MAPRE2: variants seen among roughly 807,000 people sequenced by gnomAD.
The protein encoded by MAPRE2 is microtubule-associated protein RP/EB family member 2.
A neutral mutation model predicts 43.2 loss-of-function variants in MAPRE2; 13 were observed. The observed-to-expected ratio is 0.30, with a 90% CI of 0.20 to 0.48. MAPRE2 has a LOEUF of 0.48. MAPRE2 is among the 20% of genes least tolerant of loss of function. The probability of loss-of-function intolerance (pLI) is 0.99; values close to 1 mark genes in which losing one functional copy is unlikely to be tolerated. For synonymous variants in MAPRE2, 135 were observed against 148.8 expected, an observed-to-expected ratio of 0.91 and a Z score of 0.68; for missense variants, 161 against 400.2, an observed-to-expected ratio of 0.40 and a Z score of 5.10.
At chr18:35,036,103 T>C (rs929115135) in intron 2 of MAPRE2, among the ~76,000 whole-genome samples, 1 of 151,666 alleles carries the variant, frequency 6.6e-6, no homozygotes, top group African/African-American at 2.4e-5. Flanking sequence ...TTAATCTGTA[T>C]TCCTTAGCTT....
At chr18:34,985,483 ATATATTG>A in intron 1 of MAPRE2, among the ~76,000 whole-genome samples, 1 of 52,034 alleles carries the variant, frequency 1.9e-5, no homozygotes, top group Non-Finnish European at 3.2e-5. Context: ...TATATAATAT[ATATATTG>A]TATATTATAT....
chr18:35,052,923 CATAT>C (rs1906020507), intron 1 of MAPRE2, among the ~76,000 whole-genome samples: 1 of 152,068 alleles, frequency 6.6e-6, no homozygotes, highest in African/African-American at 2.4e-5. Context: ...GAATTATACA[CATAT>C]GTTTTGCATA....
At chr18:35,004,134 C>CT (rs566892078) in intron 1 of MAPRE2, among the ~76,000 whole-genome samples, 142 of 152,090 alleles carry the variant, frequency 9.3e-4, no homozygotes, top group African/African-American at 2.8e-3. Context: ...TGTTTTTCAC[C>CT]TTTTTTTAAC....
At chr18:35,071,351 A>C (rs1029180188) in intron 2 of MAPRE2, among the ~76,000 whole-genome samples, 5 of 152,306 alleles carry the variant, frequency 3.3e-5, no homozygotes, top group African/African-American at 1.2e-4. Context: ...ACTGCCCAAC[A>C]GCCTAGGTGA....
chr18:34,992,100 C>T (rs924593052), intron 1 of MAPRE2, among the ~76,000 whole-genome samples: 19 of 152,024 alleles, frequency 1.2e-4, no homozygotes, highest in African/African-American at 2.7e-4. Context: ...TTTGGTTGAG[C>T]GACTTTTGGA....
intron 6 of MAPRE2, among the ~76,000 whole-genome samples, chr18:35,133,861 G>A (rs1031727684): frequency 2.0e-5 from 3 of 152,000 alleles, no homozygotes; most frequent in African/African-American, 7.3e-5. Context: ...CTAGATGACC[G>A]CACTCAGTTT....
intron 1 of MAPRE2, among the ~76,000 whole-genome samples, chr18:35,065,699 G>A (rs1470808176): frequency 1.3e-5 from 2 of 151,962 alleles, no homozygotes; most frequent in South Asian, 2.1e-4. Flanking sequence ...GACTACAGGC[G>A]CATGCCACCA....
intron 1 of MAPRE2, among the ~76,000 whole-genome samples, chr18:34,989,915 AACCATGGTCTCC>A (rs2097022888): frequency 6.6e-6 from 1 of 152,116 alleles, no homozygotes; most frequent in Non-Finnish European, 1.5e-5. Context: ...CTAACCTCCT[AACCATGGTCTCC>A]ACCCATCTCA....
intron 1 of MAPRE2, among the ~76,000 whole-genome samples, chr18:34,984,945 AAAATATATT>A (rs2150570985): frequency 6.7e-5 from 1 of 14,900 alleles, no homozygotes; most frequent in African/African-American, 1.6e-4. Context: ...TATAATATAT[AAAATATATT>A]ATATATAAAA....
chr18:35,074,835 G>A (rs1907268874), intron 2 of MAPRE2, among the ~76,000 whole-genome samples: 2 of 152,074 alleles, frequency 1.3e-5, no homozygotes, highest in African/African-American at 4.8e-5. Flanking sequence ...ATGTAGGGCT[G>A]GCACTGCCTG....
At chr18:35,114,603 C>T (rs760060463) in intron 4 of MAPRE2, among the ~76,000 whole-genome samples, 2 of 152,088 alleles carry the variant, frequency 1.3e-5, no homozygotes, top group African/African-American at 4.8e-5. Flanking sequence ...ATTAGCTCTC[C>T]GTGTGAATGG....
intron 1 of MAPRE2, chr18:34,978,504 TAGG>T (rs2097014409): frequency 6.4e-7 from 1 of 1,551,526 alleles, no homozygotes; most frequent in African/African-American, 1.4e-5. Context: ...TTTTGCTGAA[TAGG>T]ACACTGTGGA....
intron 2 of MAPRE2, among the ~76,000 whole-genome samples, chr18:35,090,621 A>G (rs1394439214): frequency 1.3e-5 from 2 of 151,666 alleles, no homozygotes; most frequent in Admixed American, 1.3e-4. Context: ...AGTCCCAGCT[A>G]CTCAGGAGGC....
chr18:35,002,285 T>C (rs1197440713), intron 1 of MAPRE2, among the ~76,000 whole-genome samples: 1 of 152,246 alleles, frequency 6.6e-6, no homozygotes, highest in Non-Finnish European at 1.5e-5. Flanking sequence ...TTCCTTCTTA[T>C]TGCTGGGTAG....
At chr18:35,105,974 A>AT (rs766337818) in intron 4 of MAPRE2, among the ~76,000 whole-genome samples, 20 of 152,084 alleles carry the variant, frequency 1.3e-4, no homozygotes, top group Admixed American at 4.6e-4. Flanking sequence ...CATGAGCTCT[A>AT]TTTTTACATT....
chr18:35,114,722 T>G (rs550387789), intron 4 of MAPRE2, among the ~76,000 whole-genome samples: 1 of 152,212 alleles, frequency 6.6e-6, no homozygotes, highest in Non-Finnish European at 1.5e-5. Flanking sequence ...TCTCCACTGT[T>G]GTCCTCCCTG....
intron 5 of MAPRE2, among the ~76,000 whole-genome samples, chr18:35,129,075 A>G (rs1910032299): frequency 6.6e-6 from 1 of 152,220 alleles, no homozygotes; most frequent in South Asian, 2.1e-4. Context: ...CCTTCCTGTT[A>G]TAATCCTTTC....
At chr18:35,131,738 C>T (rs1910156730) in intron 5 of MAPRE2, among the ~76,000 whole-genome samples, 1 of 152,116 alleles carries the variant, frequency 6.6e-6, no homozygotes, top group Admixed American at 6.5e-5. Flanking sequence ...TAGCAGGAGA[C>T]GAAAGCTCAC....
At chr18:35,090,772 A>G (rs1908109043) in intron 2 of MAPRE2, among the ~76,000 whole-genome samples, 1 of 151,682 alleles carries the variant, frequency 6.6e-6, no homozygotes, top group Non-Finnish European at 1.5e-5. Context: ...AAAAAATAGG[A>G]GGAAGTCAAA....
Sources: allele counts gnomAD v4.1 joint callset (sites outside exome capture counted in the v4.1 genomes callset), GRCh38; gene constraint gnomAD v4.1.1; transcripts MANE v1.5; gene names NCBI Gene and HGNC (gene_info 2026-07-23, HGNC 2026-07-21).